Variants in NCS1 observed in about 807,000 individuals in gnomAD.
NCS1 encodes the protein neuronal calcium sensor 1, also known as frequenin homolog.
In NCS1, 6 loss-of-function variants were observed where a neutral mutation model predicts 28.4. That is an observed-to-expected ratio of 0.21 (90% CI 0.12 to 0.42). NCS1 has a LOEUF of 0.42. Among genes scored for constraint, NCS1 ranks in the 10% least tolerant of loss-of-function variants. NCS1 has a pLI of 1.00. For missense variants in NCS1, 131 were observed against 241.4 expected (o/e 0.54, Z 3.03); for synonymous variants, 86 against 99.3 (o/e 0.87, Z 0.79).
intron 1 of NCS1, among the ~76,000 whole-genome samples, chr9:130,176,137 A>ATTTTCTTTC (rs1832560806): frequency 8.4e-5 from 7 of 82,888 alleles, no homozygotes; most frequent in African/African-American, 3.1e-4. Flanking sequence ...TTATTTGTTC[A>ATTTTCTTTC]TTTTCTTTCT....
intron 3 of NCS1, among the ~76,000 whole-genome samples, chr9:130,218,481 C>T (rs1228896844): frequency 6.6e-6 from 1 of 152,224 alleles, no homozygotes; most frequent in Non-Finnish European, 1.5e-5. Context: ...CACATGTACA[C>T]CCTGACACTT....
intron 2 of NCS1, among the ~76,000 whole-genome samples, chr9:130,204,333 G>A (rs1351910290): frequency 6.6e-6 from 1 of 152,002 alleles, no homozygotes; most frequent in Non-Finnish European, 1.5e-5. Context: ...CTGTCGCCCA[G>A]GCTGGAGTGT....
At chr9:130,231,692 G>A (rs1554912147) in intron 7 of NCS1, among the ~76,000 whole-genome samples, 1 of 151,966 alleles carries the variant, frequency 6.6e-6, no homozygotes, top group South Asian at 2.1e-4. Flanking sequence ...CCTGAGTATG[G>A]ATTTTTGGTT....
At chr9:130,178,613 A>T (rs1452804183) in intron 1 of NCS1, among the ~76,000 whole-genome samples, 1 of 152,116 alleles carries the variant, frequency 6.6e-6, no homozygotes, top group East Asian at 1.9e-4. Flanking sequence ...TTTGGACATT[A>T]TTCGAGATCC....
At chr9:130,214,081 G>T (rs1709727117) in intron 2 of NCS1, among the ~76,000 whole-genome samples, 1 of 152,352 alleles carries the variant, frequency 6.6e-6, no homozygotes, top group Admixed American at 6.5e-5. Context: ...TACATGCCAG[G>T]CCTCATGCGG....
intron 1 of NCS1, among the ~76,000 whole-genome samples, chr9:130,182,239 G>A (rs958457661): frequency 1.3e-5 from 2 of 152,190 alleles, no homozygotes; most frequent in Non-Finnish European, 1.5e-5. Flanking sequence ...CCAGCCAATC[G>A]ATGGCCAGTC....
intron 2 of NCS1, among the ~76,000 whole-genome samples, chr9:130,207,515 C>CA (rs1233604672): frequency 6.6e-6 from 1 of 152,240 alleles, no homozygotes; most frequent in Non-Finnish European, 1.5e-5. Flanking sequence ...GTCAGCTGCT[C>CA]AGAGAGGAGG....
intron 6 of NCS1, among the ~76,000 whole-genome samples, chr9:130,225,249 G>A (rs1274726421): frequency 6.6e-6 from 1 of 152,238 alleles, no homozygotes; most frequent in Non-Finnish European, 1.5e-5. Context: ...CTGCTTATTA[G>A]ATTCTGGCTG....
At chr9:130,207,179 G>A (rs1179870092) in intron 2 of NCS1, among the ~76,000 whole-genome samples, 1 of 152,208 alleles carries the variant, frequency 6.6e-6, no homozygotes, top group Admixed American at 6.5e-5. Context: ...GCCTCACTGG[G>A]CTGCTGCCTG....
At chr9:130,208,133 G>A (rs1467709995) in intron 2 of NCS1, among the ~76,000 whole-genome samples, 8 of 147,602 alleles carry the variant, frequency 5.4e-5, no homozygotes, top group South Asian at 2.1e-4. Flanking sequence ...GGTACACACC[G>A]TCATCGGGCA....
At chr9:130,222,982 G>T in intron 5 of NCS1, 100 bp from the exon 6 acceptor site, 1 of 902,622 alleles carries the variant, frequency 1.1e-6, no homozygotes, top group Non-Finnish European at 1.8e-6. Flanking sequence ...GAGGGGGGCG[G>T]CCCTCATCTG....
intron 3 of NCS1, among the ~76,000 whole-genome samples, chr9:130,218,783 G>A (rs1170704086): frequency 1.3e-5 from 2 of 152,108 alleles, no homozygotes; most frequent in Non-Finnish European, 2.9e-5. Context: ...TAGAGATGGG[G>A]TTTCACCGTA....
rs5900889 is a variant in NCS1 at position 130,235,120 on chromosome 9, A to ACCCCCCCCCCCCC, written c.*2155_*2156insCCCCCCCCCCCCC. 1.3e-5 allele frequency: 2 copies of ACCCCCCCCCCCCC among 148,508 alleles called. No homozygotes were observed. Among genetic ancestry groups the ACCCCCCCCCCCCC allele is most frequent in the African/African-American group, 5.1e-5 (2 of 39,438 alleles). 9.2% of individuals were successfully genotyped at this position (148,508 alleles called of 1,614,324 possible). A position where few individuals can be genotyped will look rare whatever the true frequency, so the allele number is the denominator to read the frequency against. On this transcript the variant is annotated 3_prime_UTR_variant, in exon 8 of 8. Coordinates refer to ENST00000372398, the MANE Select transcript of NCS1 (RefSeq NM_014286.4). ...AGGACTGCACGCTGGCCCCACGGTA[A>ACCCCCCCCCCCCC]CCCCCCCTCCCCCACCAACATCCTG...
chr9:130,174,771 A>C (rs531909900), intron 1 of NCS1, among the ~76,000 whole-genome samples: 112 of 133,832 alleles, frequency 8.4e-4, no homozygotes, highest in Non-Finnish European at 1.4e-3. Flanking sequence ...AGATTGCTCC[A>C]AGAGGGAAAC....
Position 130,197,967 on chromosome 9 carries a change from G to GA in NCS1, c.65-2974dup, listed in dbSNP as rs35362310. ...GTGACAGAGCAAGACTTTGTCTCCA[G>GA]AAAAAAAAAAAAAAAAAGGCCCTCC... On this transcript the variant is annotated intron_variant, in intron 1 of 7. Transcript: ENST00000372398. 2.1e-3 allele frequency among the ~76,000 whole-genome samples: 258 copies of GA among 124,568 alleles called. 1 individual carries two copies. The highest frequency in any genetic ancestry group is 3.3e-3 in the Non-Finnish European group (197 of 59,782). The allele number at this position is 124,568 out of a possible 152,430, so 81.7% of individuals were successfully genotyped here.
intron 2 of NCS1, among the ~76,000 whole-genome samples, chr9:130,207,464 G>A (rs989861935): frequency 6.6e-6 from 1 of 152,172 alleles, no homozygotes; most frequent in East Asian, 1.9e-4. Flanking sequence ...CTCCAGTCTC[G>A]GCATGGCTTG....
At chr9:130,187,319 T>G (rs745702698) in intron 1 of NCS1, among the ~76,000 whole-genome samples, 22 of 152,214 alleles carry the variant, frequency 1.4e-4, no homozygotes, top group Non-Finnish European at 2.8e-4. Flanking sequence ...TCCTGCTCTC[T>G]GAGCACCGTG....
At chr9:130,182,843 C>T (rs1832680287) in intron 1 of NCS1, among the ~76,000 whole-genome samples, 1 of 152,252 alleles carries the variant, frequency 6.6e-6, no homozygotes, top group African/African-American at 2.4e-5. Flanking sequence ...CTGCCCTGTG[C>T]CTGGCTCAGC....
At chr9:130,218,940 A>C (rs191587978) in intron 3 of NCS1, among the ~76,000 whole-genome samples, 39 of 152,270 alleles carry the variant, frequency 2.6e-4, no homozygotes, top group African/African-American at 9.1e-4. Flanking sequence ...GGAGCTGGGT[A>C]TTTTAATACC....
Sources: allele counts gnomAD v4.1 joint callset (sites outside exome capture counted in the v4.1 genomes callset), GRCh38; gene constraint gnomAD v4.1.1; transcripts MANE v1.5; gene names NCBI Gene and HGNC (gene_info 2026-07-23, HGNC 2026-07-21).